The following MPDZ variants were observed in gnomAD, a reference collection of about 807,000 sequenced individuals.
MPDZ encodes the protein multiple PDZ domain protein.
MPDZ carries 234 observed loss-of-function variants against 239.1 expected under a neutral mutation model. That is an observed-to-expected ratio of 0.98 (90% CI 0.88 to 1.09). The LOEUF (loss-of-function observed/expected upper bound fraction) is 1.09. Ranked by LOEUF, MPDZ falls within the 50% of genes least tolerant of loss-of-function variation. MPDZ has a pLI of 0.00. For synonymous variants in MPDZ, 1,048 were observed against 881.3 expected (o/e 1.19, Z -3.35); for missense variants, 3,175 against 2,510.0 (o/e 1.26, Z -5.66).
chr9:13,107,242 T>C, intron 46 of MPDZ, 131 bp from the exon 47 acceptor site: 1 of 950,650 alleles, frequency 1.1e-6, no homozygotes, highest in Non-Finnish European at 1.5e-6. Context: ...GCTCCATGGG[T>C]GCTCTAAGCC....
chr9:13,143,145 TATC>T (rs1947953939), intron 27 of MPDZ, among the ~76,000 whole-genome samples: 1 of 152,140 alleles, frequency 6.6e-6, no homozygotes, highest in Non-Finnish European at 1.5e-5. Flanking sequence ...TGTGTGAAAG[TATC>T]ATACATTTGG....
intron 12 of MPDZ, among the ~76,000 whole-genome samples, chr9:13,203,962 T>C (rs1198153877): frequency 6.6e-6 from 1 of 152,162 alleles, no homozygotes; most frequent in Non-Finnish European, 1.5e-5. Context: ...ATTTCTTTAC[T>C]TATTAGTGTA....
chr9:13,258,969 C>T (rs1970040541), intron 1 of MPDZ, among the ~76,000 whole-genome samples: 2 of 152,004 alleles, frequency 1.3e-5, no homozygotes, highest in Admixed American at 6.5e-5. Context: ...GCTGTAGTCC[C>T]AGCTACTGGG....
rs1402399099 is a variant in MPDZ at position 13,198,731 on chromosome 9, C to CTGTG, written c.1547-2502_1547-2501insCACA. ...GTTCTTATATTTAGGTCTTTAATCTCTCTCTCTGTGTGTGTGTGTGTGTGT... is the reference window on the plus strand; with the variant it reads ...GTTCTTATATTTAGGTCTTTAATCTCTGTGTCTCTCTGTGTGTGTGTGTGTGTGT... On this transcript the variant is annotated intron_variant, in intron 12 of 46. Transcript: ENST00000319217. Among the ~76,000 whole-genome samples, 17 of 4,436 alleles carry CTGTG rather than the reference C, an allele frequency of 3.8e-3. 1 individual carries two copies. The South Asian group carries it at 0.063, about 17-fold the overall frequency. The allele number at this position is 4,436 out of a possible 152,430, so 2.9% of individuals were successfully genotyped here.
rs377408422 is a variant in MPDZ, at chr9:13,223,531, T to A, written c.533+40A>T. ...TGCATAGTAACCAAAACCTTCAGAA[T>A]GTGGGATCAAAAACAAAGAAGACGC... On this transcript the variant is annotated intron_variant, in intron 5 of 46. Coordinates refer to ENST00000319217, the MANE Select transcript of MPDZ (RefSeq NM_001378778.1). 3 of 1,561,724 alleles carry A rather than the reference T, an allele frequency of 1.9e-6. No individual in the cohort carries two copies. In the South Asian group the frequency reaches 3.7e-5, roughly 19 times the overall value.
chr9:13,262,952 G>C (rs1203398397), intron 1 of MPDZ, among the ~76,000 whole-genome samples: 1 of 152,126 alleles, frequency 6.6e-6, no homozygotes, highest in Non-Finnish European at 1.5e-5. Context: ...TAAAATGACA[G>C]CAGTTAGGAG....
In MPDZ at chr9:13,152,508, T is replaced by C. The variant is rs149827629; in HGVS notation, c.3453-1820A>G. ...AGCTCTCTTCTCTTGTCTGCCACCATGTGAGATGTGTCTTTCACCTTCCAC... is the reference window on the plus strand; with the variant it reads ...AGCTCTCTTCTCTTGTCTGCCACCACGTGAGATGTGTCTTTCACCTTCCAC... On this transcript the variant is annotated intron_variant, in intron 24 of 46. Transcript: ENST00000319217. 2.5e-3 allele frequency among the ~76,000 whole-genome samples: 378 copies of C among 152,224 alleles called. 9 individuals are homozygous for C. The East Asian group carries it at 0.049, about 20-fold the overall frequency.
rs1953697193 is a variant in MPDZ at position 13,183,664 on chromosome 9, A to T, written c.2482-79T>A. ...CAAACAATCTCCACTTGAGACTAAA[A>T]GGCAAACTGGTATCATTCTTTTATC... is the stretch of plus-strand genomic sequence containing the variant. On this transcript the variant is annotated intron_variant, in intron 18 of 46. Coordinates refer to ENST00000319217, the MANE Select transcript of MPDZ (RefSeq NM_001378778.1). The T allele has an allele frequency of 4.8e-5, 65 of 1,344,046 alleles. No homozygotes were observed. The South Asian group carries it at 7.1e-4, about 15-fold the overall frequency. The allele number at this position is 1,344,046 out of a possible 1,614,324, so 83.3% of individuals were successfully genotyped here.
intron 24 of MPDZ, among the ~76,000 whole-genome samples, chr9:13,154,138 C>T (rs1949536588): frequency 1.3e-5 from 2 of 152,152 alleles, no homozygotes; most frequent in Non-Finnish European, 1.5e-5. Flanking sequence ...TAGCAAAATA[C>T]CCTCCCTGGA....
chr9:13,136,320 G>GTTTT lies in MPDZ; in HGVS notation c.4293-142_4293-139dup, dbSNP rs1444109820. On this transcript the variant is annotated intron_variant, in intron 30 of 46. Transcript: ENST00000319217. ...CTGTGACACTTACAAATTTACAAAC[G>GTTTT]TTTTCTTTTTTTTTTTTTTTTTTTT... 424 of 194,536 alleles carry GTTTT rather than the reference G, an allele frequency of 2.2e-3. 20 individuals are homozygous for GTTTT. Among genetic ancestry groups the GTTTT allele is most frequent in the African/African-American group, 0.015 (229 of 15,098 alleles). The allele number at this position is 194,536 out of a possible 1,614,324, so 12.1% of individuals were successfully genotyped here.
At chr9:13,165,379 G>A in intron 22 of MPDZ, 1 of 1,549,536 alleles carries the variant, frequency 6.5e-7, no homozygotes, top group Non-Finnish European at 8.7e-7. Flanking sequence ...ATAAAAGGGG[G>A]CTCGATCGTC....
At chr9:13,151,144 A>C (rs1949117834) in intron 24 of MPDZ, among the ~76,000 whole-genome samples, 1 of 151,062 alleles carries the variant, frequency 6.6e-6, no homozygotes, top group African/African-American at 2.4e-5. Flanking sequence ...TACTAAAAAC[A>C]CACACACACA....
At position 13,247,818 on chromosome 9, in the gene MPDZ, C is replaced by G; in HGVS notation, c.17-17G>C. 6 of 1,582,870 alleles carry G rather than the reference C, an allele frequency of 3.8e-6. No homozygotes were observed. The highest frequency in any genetic ancestry group is 5.2e-6 in the Non-Finnish European group (6 of 1,156,810). ...GATTTTTGTCTATACCAAAGAGCAG[C>G]ATTTGTCAATAACAGGATTCAAAGG... On this transcript the variant is annotated splice_polypyrimidine_tract_variant and intron_variant, in intron 2 of 46. Coordinates refer to ENST00000319217, the MANE Select transcript of MPDZ (RefSeq NM_001378778.1).
chr9:13,140,138 C>T lies in MPDZ; in HGVS notation c.3852G>A (p.Gln1284=), dbSNP rs574577566. 5.6e-6 allele frequency: 9 copies of T among 1,613,182 alleles called. No individual in the cohort carries two copies. Among genetic ancestry groups the T allele is most frequent in the African/African-American group, 2.7e-5 (2 of 74,934 alleles). The part of the protein sequence containing the change: ...LQINADKAPS[Q]SESEPEKAPL... ...GAGCCTTCTCTGGCTCTGACTCTGA[C>T]TGACTGGGTGCCTGTGGGAACAAAA... is the stretch of plus-strand genomic sequence containing the variant. Residue 1284 remains glutamine (Q), a synonymous_variant, in exon 28 of 47, where the codon CAG becomes CAA. Coordinates refer to ENST00000319217, the MANE Select transcript of MPDZ (RefSeq NM_001378778.1).
At chr9:13,147,511 T>C (rs1948591747) in intron 26 of MPDZ, 37 bp downstream of exon 26, 3 of 1,488,558 alleles carry the variant, frequency 2.0e-6, no homozygotes, top group South Asian at 2.3e-5. Context: ...TTGAACACTG[T>C]TTGGATATGC....
In MPDZ at chr9:13,125,305, G is replaced by A; in HGVS notation, c.4718C>T (p.Ala1573Val). ...ENPDSQAVPSAAGAASGEKKN... is the reference protein window; with the variant it reads ...ENPDSQAVPSVAGAASGEKKN... ...TTTTTCTCCACTGGCTGCACCAGCT[G>A]CTGAAGGAACAGCCTGGGAATCTGG... Residue 1573 changes from alanine (A) to valine (V), a missense_variant, in exon 35 of 47, where the codon GCA becomes GTA. Transcript: ENST00000319217. The A allele has an allele frequency of 6.2e-7, 1 of 1,613,872 alleles. No individual in the cohort carries two copies. The highest frequency in any genetic ancestry group is 8.5e-7 in the Non-Finnish European group (1 of 1,179,764).
intron 39 of MPDZ, 25 bp downstream of exon 39, chr9:13,119,477 C>A (rs754601734): frequency 6.3e-7 from 1 of 1,599,760 alleles, no homozygotes; most frequent in Non-Finnish European, 8.5e-7. Flanking sequence ...CGCTATTACA[C>A]AGAATTATTT....
chr9:13,190,008 C>T (rs1018362860), intron 16 of MPDZ, 106 bp downstream of exon 16: 1 of 998,566 alleles, frequency 1.0e-6, no homozygotes, highest in Non-Finnish European at 1.4e-6. Flanking sequence ...GAAAGACTGA[C>T]TAGAAAAAAG....
chr9:13,248,976 C>CAAAAGAAA (rs1967099147), intron 2 of MPDZ, among the ~76,000 whole-genome samples: 1 of 35,820 alleles, frequency 2.8e-5, no homozygotes, highest in Non-Finnish European at 5.1e-5. Flanking sequence ...GACTCCATCT[C>CAAAAGAAA]AAAAAAAAAA....
Sources: gnomAD v4.1 joint callset for allele counts (sites outside exome capture counted in the v4.1 genomes callset) on GRCh38, gnomAD v4.1.1 for gene constraint, MANE v1.5 for transcripts, NCBI Gene and HGNC (gene_info 2026-07-23, HGNC 2026-07-21) for gene names.